SLIT1: variants seen among roughly 807,000 people sequenced by gnomAD.
SLIT1 encodes slit homolog 1 protein.
SLIT1 carries 66 observed loss-of-function variants against 186.1 expected under a neutral mutation model. That is an observed-to-expected ratio of 0.35 (90% CI 0.29 to 0.44). The LOEUF (loss-of-function observed/expected upper bound fraction) is 0.44. SLIT1 is among the 20% of genes least tolerant of loss of function. SLIT1 has a pLI of 1.00. For missense variants in SLIT1, 1,638 were observed against 2,037.4 expected, an observed-to-expected ratio of 0.80 and a Z score of 3.77; for synonymous variants, 761 against 833.8, an observed-to-expected ratio of 0.91 and a Z score of 1.50.
intron 34 of SLIT1, among the ~76,000 whole-genome samples, chr10:97,003,290 C>CT (rs1848328964): frequency 6.6e-6 from 1 of 152,236 alleles, no homozygotes; most frequent in African/African-American, 2.4e-5. Context: ...CTCGCCAAGG[C>CT]GCCTTCTCTC....
intron 18 of SLIT1, among the ~76,000 whole-genome samples, chr10:97,045,143 A>G (rs1848723666): frequency 6.6e-6 from 1 of 152,166 alleles, no homozygotes; most frequent in Non-Finnish European, 1.5e-5. Flanking sequence ...ATAAACCTCC[A>G]GTCTGTGGCT....
Position 97,056,961 on chromosome 10 carries a change from C to T in SLIT1, c.1157+249G>A, listed in dbSNP as rs11188999. Among the ~76,000 whole-genome samples the T allele has an allele frequency of 2.6e-3, 393 of 152,260 alleles. 2 individuals are homozygous for T. The highest frequency in any genetic ancestry group is 8.8e-3 in the African/African-American group (364 of 41,566). ...AGCCACACCAAGCTCCTCAGGAGCACGGGCCGAGTCTCAGGAGCCTCTCTG... is the reference window on the plus strand; with the variant it reads ...AGCCACACCAAGCTCCTCAGGAGCATGGGCCGAGTCTCAGGAGCCTCTCTG... On this transcript the variant is annotated intron_variant, in intron 12 of 36. Transcript: ENST00000266058.
chr10:97,134,156 A>T (rs997473802), intron 4 of SLIT1, among the ~76,000 whole-genome samples: 1 of 151,780 alleles, frequency 6.6e-6, no homozygotes, highest in Non-Finnish European at 1.5e-5. Flanking sequence ...TCCTCTCCCC[A>T]AAGAGGTGTG....
At chr10:97,132,455 C>T (rs1446483869) in intron 4 of SLIT1, among the ~76,000 whole-genome samples, 1 of 152,190 alleles carries the variant, frequency 6.6e-6, no homozygotes. Flanking sequence ...AGAACTGCCC[C>T]CATGCAACAG....
At chr10:97,063,137 C>T (rs1054220436) in intron 8 of SLIT1, among the ~76,000 whole-genome samples, 12 of 151,880 alleles carry the variant, frequency 7.9e-5, no homozygotes, top group African/African-American at 2.7e-4. Context: ...GTGGACAAGG[C>T]AATGAGGGGA....
In SLIT1 at chr10:97,021,613, AGTGCAGTGGC is replaced by A. The variant is rs1848503171; in HGVS notation, c.2583-210_2583-201del. Among the ~76,000 whole-genome samples, 1 of 148,560 alleles carries A rather than the reference AGTGCAGTGGC, an allele frequency of 6.7e-6. No individual in the cohort carries two copies. ...AGTGTCGCTCTGTCGCCCAGGCTGG[AGTGCAGTGGC>A]GTAATATCAGCTCACTGCAACCTCT... On this transcript the variant is annotated intron_variant, in intron 25 of 36. Transcript: ENST00000266058. The surrounding 1 kb of genome is among the most constrained non-coding windows in gnomAD (Gnocchi z 4.5).
chr10:97,124,852 G>C (rs1157721139), intron 4 of SLIT1, among the ~76,000 whole-genome samples: 4 of 152,200 alleles, frequency 2.6e-5, no homozygotes, highest in Non-Finnish European at 5.9e-5. Flanking sequence ...AACGTACGTT[G>C]CTTAACCTTT....
intron 6 of SLIT1, 66 bp from the exon 7 acceptor site, chr10:97,064,305 C>A: frequency 7.4e-7 from 1 of 1,342,910 alleles, no homozygotes; most frequent in South Asian, 1.2e-5. Flanking sequence ...ACAGGGCCGC[C>A]CTGCTAACGA....
At chr10:97,103,570 T>G (rs1387746800) in intron 4 of SLIT1, 1 of 152,234 alleles carries the variant, frequency 6.6e-6, no homozygotes, top group African/African-American at 2.4e-5. Context: ...TTTTCTTCTC[T>G]AAACGTTTAT....
At chr10:97,151,178 C>T (rs1849874450) in intron 4 of SLIT1, among the ~76,000 whole-genome samples, 1 of 152,186 alleles carries the variant, frequency 6.6e-6, no homozygotes, top group Non-Finnish European at 1.5e-5. Context: ...CAAGGGTTCA[C>T]AGTACCTAAC....
In SLIT1 at chr10:97,004,851, AC is replaced by A; in HGVS notation, c.3580-29del. 6.2e-7 allele frequency: 1 copy of A among 1,612,992 alleles called. No homozygotes were observed. ...GATGGGCAGTGGCACTTTCTCTCCC[AC>A]CCCACCCCATGCAGCAGCGGCACAG... On this transcript the variant is annotated intron_variant, in intron 32 of 36. Coordinates refer to ENST00000266058, the MANE Select transcript of SLIT1 (RefSeq NM_003061.3). The surrounding 1 kb of genome is among the most constrained non-coding windows in gnomAD (Gnocchi z 5.1).
At chr10:97,011,295 TAA>T in intron 30 of SLIT1, among the ~76,000 whole-genome samples, 165 bp from the exon 31 acceptor site, 1 of 152,214 alleles carries the variant, frequency 6.6e-6, no homozygotes, top group Middle Eastern at 3.4e-3. Flanking sequence ...GCTCTGGATC[TAA>T]AAGGGCCCCT....
At chr10:97,108,689 A>C (rs757370969) in intron 4 of SLIT1, among the ~76,000 whole-genome samples, 6 of 152,128 alleles carry the variant, frequency 3.9e-5, no homozygotes, top group Non-Finnish European at 7.4e-5. Context: ...GCAGATCAAG[A>C]CCATCCTGGC....
intron 4 of SLIT1, among the ~76,000 whole-genome samples, chr10:97,146,733 G>A (rs1849822027): frequency 6.6e-6 from 1 of 152,212 alleles, no homozygotes; most frequent in African/African-American, 2.4e-5. Flanking sequence ...CTGGAGCCCA[G>A]CACAGACCCA....
chr10:97,031,784 G>T, intron 23 of SLIT1, 107 bp from the exon 24 acceptor site: 1 of 826,888 alleles, frequency 1.2e-6, no homozygotes. Flanking sequence ...AGCCTCCTCG[G>T]GCTCTGTGAG....
intron 1 of SLIT1, among the ~76,000 whole-genome samples, chr10:97,182,996 G>A (rs1011608703): frequency 2.1e-4 from 32 of 151,136 alleles, no homozygotes; most frequent in Admixed American, 6.6e-5. Flanking sequence ...ACGTCTGCAA[G>A]AAAGCAGGCC....
chr10:97,094,784 A>C (rs1315553224), intron 4 of SLIT1, among the ~76,000 whole-genome samples: 1 of 152,194 alleles, frequency 6.6e-6, no homozygotes. Context: ...ATATCTTTGA[A>C]TTTTTTTACA....
chr10:97,037,784 C>A lies in SLIT1; in HGVS notation c.2298-18G>T. 2 of 1,592,370 alleles carry A rather than the reference C, an allele frequency of 1.3e-6. No homozygotes were observed. The highest frequency in any genetic ancestry group is 1.3e-5 in the African/African-American group (1 of 74,728). On this transcript the variant is annotated intron_variant, in intron 21 of 36. Coordinates refer to ENST00000266058, the MANE Select transcript of SLIT1 (RefSeq NM_003061.3). ...CCAAATAGCTGCAGAGAGAACACAG[C>A]GGCGTTAGTGCCCATCTCCACCTCT...
intron 18 of SLIT1, among the ~76,000 whole-genome samples, chr10:97,045,883 G>A (rs1257883598): frequency 6.6e-6 from 1 of 152,162 alleles, no homozygotes; most frequent in East Asian, 1.9e-4. Context: ...GAGCTGTGGT[G>A]TCCAATATAG....
Sources: allele counts gnomAD v4.1 joint callset (sites outside exome capture counted in the v4.1 genomes callset), GRCh38; gene constraint gnomAD v4.1.1; non-coding constraint Gnocchi (gnomAD v3.1); transcripts MANE v1.5; gene names NCBI Gene and HGNC (gene_info 2026-07-23, HGNC 2026-07-21).